Variants in CLEC4D observed in about 807,000 individuals in gnomAD.
CLEC4D encodes C-type lectin domain family 4 member D, also known as C-type (calcium dependent, carbohydrate-recognition domain) lectin, superfamily member 8.
CLEC4D carries 21 observed loss-of-function variants against 21.1 expected under a neutral mutation model. The observed-to-expected ratio is 1.00, with a 90% CI of 0.71 to 1.43. The LOEUF (loss-of-function observed/expected upper bound fraction) is 1.43. Ranked by LOEUF, CLEC4D falls within the 40% of genes most tolerant of loss-of-function variation. The pLI is 0.00. For missense variants in CLEC4D, 289 were observed against 260.7 expected (o/e 1.11, Z -0.75); for synonymous variants, 85 against 83.1 (o/e 1.02, Z -0.12).
the CLEC4D span, among the ~76,000 whole-genome samples, chr12:8,528,360 A>G: frequency 1.3e-5 from 2 of 152,226 alleles, no homozygotes; most frequent in Non-Finnish European, 2.9e-5. Flanking sequence ...AGTCCCTACC[A>G]GCAAGAAGGC....
chr12:8,522,669 A>G (rs1940474087), downstream of CLEC4D, among the ~76,000 whole-genome samples: 1 of 152,092 alleles, frequency 6.6e-6, no homozygotes, highest in South Asian at 2.1e-4. Flanking sequence ...AACTTTATGT[A>G]AATGCTAGTG....
chr12:8,520,377 CA>C, intron 5 of CLEC4D, 36 bp downstream of exon 5: 2 of 1,593,686 alleles, frequency 1.3e-6, no homozygotes, highest in Non-Finnish European at 8.6e-7. Flanking sequence ...GATTTATAAG[CA>C]AAGGTTAGAA....
At position 8,519,179 on chromosome 12, in the gene CLEC4D, A is replaced by C; in HGVS notation, c.384+19A>C. 6.2e-7 allele frequency: 1 copy of C among 1,606,664 alleles called. No individual in the cohort carries two copies. The highest frequency in any genetic ancestry group is 8.5e-7 in the Non-Finnish European group (1 of 1,176,690). ...TGAGCAGGTGTGTTGGGAGGATCAC[A>C]TCAGTTTCTCTGCTGCTTTGAATCT... On this transcript the variant is annotated intron_variant, in intron 4 of 5. Coordinates refer to ENST00000299665, the MANE Select transcript of CLEC4D (RefSeq NM_080387.5).
intron 5 of CLEC4D, 24 bp from the exon 6 acceptor site, chr12:8,521,100 C>G (rs1372997300): frequency 1.2e-6 from 2 of 1,608,208 alleles, no homozygotes; most frequent in Non-Finnish European, 1.7e-6. Flanking sequence ...CTATAAATCT[C>G]TATCTATGTT....
downstream of CLEC4D, among the ~76,000 whole-genome samples, chr12:8,524,702 G>A (rs1940494335): frequency 6.6e-6 from 1 of 151,904 alleles, no homozygotes; most frequent in Non-Finnish European, 1.5e-5. Flanking sequence ...TTCTCCTTCG[G>A]CTCTTCTCTG....
downstream of CLEC4D, among the ~76,000 whole-genome samples, chr12:8,523,331 A>C (rs919004712): frequency 6.6e-6 from 1 of 152,142 alleles, no homozygotes; most frequent in South Asian, 2.1e-4. Flanking sequence ...ATCCATGAAG[A>C]TGGAATGTTT....
At chr12:8,517,675 G>T (rs190059757) in intron 2 of CLEC4D, among the ~76,000 whole-genome samples, 1 of 152,236 alleles carries the variant, frequency 6.6e-6, no homozygotes, top group East Asian at 1.9e-4. Flanking sequence ...GGCCGGACGC[G>T]GTGGCTCACG....
intron 4 of CLEC4D, 110 bp from the exon 5 acceptor site, chr12:8,520,116 C>A: frequency 6.9e-7 from 1 of 1,452,720 alleles, no homozygotes. Context: ...TATCTGATGC[C>A]AGAGCTTTTG....
At chr12:8,522,809 C>A (rs866542318), downstream of CLEC4D, among the ~76,000 whole-genome samples, 29 of 152,082 alleles carry the variant, frequency 1.9e-4, no homozygotes, top group Admixed American at 6.5e-4. Flanking sequence ...AGGTTTTCTT[C>A]TAGGGTTTTT....
At chr12:8,529,880 G>A in the CLEC4D span, among the ~76,000 whole-genome samples, 4 of 152,074 alleles carry the variant, frequency 2.6e-5, no homozygotes, top group Non-Finnish European at 2.9e-5. Context: ...AGGAATTATA[G>A]TATAAACTTT....
At chr12:8,515,460 A>G (rs1364663010) in intron 2 of CLEC4D, 132 bp downstream of exon 2, 9 of 569,254 alleles carry the variant, frequency 1.6e-5, no homozygotes, top group Non-Finnish European at 1.3e-5. Flanking sequence ...AGGGTCTTGC[A>G]CTGAATATTC....
chr12:8,529,830 T>A, the CLEC4D span, among the ~76,000 whole-genome samples: 1 of 152,128 alleles, frequency 6.6e-6, no homozygotes, highest in Non-Finnish European at 1.5e-5. Context: ...TTTTCATTAG[T>A]GTGGAGCTCA....
downstream of CLEC4D, among the ~76,000 whole-genome samples, chr12:8,524,761 T>C (rs2136391204): frequency 6.6e-6 from 1 of 152,330 alleles, no homozygotes; most frequent in Admixed American, 6.5e-5. Flanking sequence ...AGTTTGCTAT[T>C]GCTTCTTTAG....
Position 8,518,292 on chromosome 12 carries a change from A to C in CLEC4D, c.232+18A>C. 1 of 919,564 alleles carries C rather than the reference A, an allele frequency of 1.1e-6. No homozygotes were observed. The highest frequency in any genetic ancestry group is 1.8e-6 in the Non-Finnish European group (1 of 562,040). 57.0% of individuals were successfully genotyped at this position (919,564 alleles called of 1,614,324 possible). ...TGCTGAAGGTACAGAGTGTAAGATAATTTCTTTTTTAATTTCCATTTTCGT... is the reference window on the plus strand; with the variant it reads ...TGCTGAAGGTACAGAGTGTAAGATACTTTCTTTTTTAATTTCCATTTTCGT... On this transcript the variant is annotated intron_variant, in intron 3 of 5. Coordinates refer to ENST00000299665, the MANE Select transcript of CLEC4D (RefSeq NM_080387.5).
chr12:8,515,716 CCT>C (rs1395504113), intron 2 of CLEC4D, among the ~76,000 whole-genome samples: 1 of 151,868 alleles, frequency 6.6e-6, no homozygotes, highest in South Asian at 2.1e-4. Context: ...TCTCTCTTTC[CCT>C]CTCTTTCTTT....
At chr12:8,514,119 G>A (rs781446387) in intron 1 of CLEC4D, among the ~76,000 whole-genome samples, 1 of 152,074 alleles carries the variant, frequency 6.6e-6, no homozygotes, top group African/African-American at 2.4e-5. Flanking sequence ...CCCATTTTAT[G>A]TTTGACTTAA....
At chr12:8,528,161 G>A in the CLEC4D span, among the ~76,000 whole-genome samples, 2 of 152,124 alleles carry the variant, frequency 1.3e-5, no homozygotes, top group South Asian at 2.1e-4. Context: ...GATAATGAGG[G>A]TTCTATCCTC....
At chr12:8,527,395 GT>G in the CLEC4D span, among the ~76,000 whole-genome samples, 94 of 152,336 alleles carry the variant, frequency 6.2e-4, no homozygotes, top group South Asian at 1.9e-3. Context: ...TCTGGCTGGA[GT>G]TTTTGGAGAT....
intron 4 of CLEC4D, among the ~76,000 whole-genome samples, chr12:8,520,008 T>C (rs1940437574): frequency 6.6e-6 from 1 of 152,224 alleles, no homozygotes; most frequent in Admixed American, 6.5e-5. Context: ...AGTAACTCTA[T>C]AAAGTAGTGG....
Sources: gnomAD v4.1 joint callset for allele counts (sites outside exome capture counted in the v4.1 genomes callset) on GRCh38, gnomAD v4.1.1 for gene constraint, MANE v1.5 for transcripts, NCBI Gene and HGNC (gene_info 2026-07-23, HGNC 2026-07-21) for gene names.